DMRT1: variants seen among roughly 807,000 people sequenced by gnomAD.
DMRT1 encodes the protein doublesex- and mab-3-related transcription factor 1.
Under a neutral mutation model 32.3 loss-of-function variants are expected in DMRT1, and 7 were observed. The ratio of observed to expected loss-of-function variants is 0.22; its 90% confidence interval spans 0.12 to 0.41. DMRT1 has a LOEUF of 0.41. DMRT1 is among the 10% of genes least tolerant of loss of function. DMRT1 has a pLI of 1.00. For synonymous variants in DMRT1, 278 were observed against 206.1 expected (o/e 1.35, Z -2.99); for missense variants, 625 against 500.5 (o/e 1.25, Z -2.37).
At chr9:904,605 C>G (rs1157355004) in intron 3 of DMRT1, among the ~76,000 whole-genome samples, 1 of 152,182 alleles carries the variant, frequency 6.6e-6, no homozygotes, top group East Asian at 1.9e-4. Context: ...GTGCTAGAGA[C>G]TCTCAAGTAC....
chr9:903,201 C>T (rs1302471517), intron 3 of DMRT1, among the ~76,000 whole-genome samples: 1 of 152,168 alleles, frequency 6.6e-6, no homozygotes, highest in East Asian at 1.9e-4. Context: ...TAGTCTTACT[C>T]CTGCAGGGAG....
At chr9:852,085 G>A (rs1351365840) in intron 2 of DMRT1, among the ~76,000 whole-genome samples, 4 of 151,698 alleles carry the variant, frequency 2.6e-5, no homozygotes, top group African/African-American at 9.7e-5. Flanking sequence ...GATTACAGGC[G>A]ATCACCACCA....
At chr9:872,311 T>G (rs1199465269) in intron 2 of DMRT1, among the ~76,000 whole-genome samples, 1 of 152,222 alleles carries the variant, frequency 6.6e-6, no homozygotes, top group Non-Finnish European at 1.5e-5. Flanking sequence ...TCCACCCGCC[T>G]TGGCCTCCCA....
At chr9:907,906 C>T (rs1357153684) in intron 3 of DMRT1, among the ~76,000 whole-genome samples, 1 of 151,190 alleles carries the variant, frequency 6.6e-6, no homozygotes, top group Non-Finnish European at 1.5e-5. Context: ...ATTTGAGGGC[C>T]CTATAAAAGG....
At chr9:940,702 A>G (rs1247283371) in intron 4 of DMRT1, among the ~76,000 whole-genome samples, 1 of 152,146 alleles carries the variant, frequency 6.6e-6, no homozygotes, top group Non-Finnish European at 1.5e-5. Flanking sequence ...ATTGGACTTG[A>G]TGTTGAAAAT....
At chr9:959,743 G>A (rs531250898) in intron 4 of DMRT1, among the ~76,000 whole-genome samples, 13 of 151,472 alleles carry the variant, frequency 8.6e-5, no homozygotes, top group African/African-American at 2.4e-4. Context: ...GGCCAGGCTC[G>A]TCTTGAGCTC....
intron 2 of DMRT1, among the ~76,000 whole-genome samples, chr9:861,348 G>C (rs1344037576): frequency 2.0e-5 from 3 of 152,212 alleles, no homozygotes; most frequent in African/African-American, 7.2e-5. Context: ...ACCCTTAGTG[G>C]ACACAGCACA....
At chr9:894,313 G>T (rs937817881) in intron 3 of DMRT1, 118 bp downstream of exon 3, 24 of 1,089,930 alleles carry the variant, frequency 2.2e-5, no homozygotes, top group Non-Finnish European at 3.4e-5. Context: ...GCACACACAG[G>T]TGACACACAC....
intron 4 of DMRT1, among the ~76,000 whole-genome samples, chr9:946,061 C>G (rs1197945156): frequency 6.6e-6 from 1 of 151,766 alleles, no homozygotes; most frequent in African/African-American, 2.4e-5. Context: ...ACCTACTATT[C>G]CACAGTTTGG....
chr9:875,564 A>G (rs796171728), intron 2 of DMRT1, among the ~76,000 whole-genome samples: 37 of 152,352 alleles, frequency 2.4e-4, no homozygotes, highest in African/African-American at 8.9e-4. Context: ...AATGAAGATC[A>G]CCAAATGAGG....
chr9:942,745 C>T (rs1420690789), intron 4 of DMRT1, among the ~76,000 whole-genome samples: 4 of 152,110 alleles, frequency 2.6e-5, no homozygotes, highest in Non-Finnish European at 4.4e-5. Context: ...TTGGTGATTT[C>T]GTAGCAACAT....
intron 1 of DMRT1, 124 bp from the exon 2 acceptor site, chr9:846,836 G>C: frequency 8.2e-7 from 1 of 1,219,904 alleles, no homozygotes. Flanking sequence ...AGAAGAAATG[G>C]GAGATTTTCA....
At chr9:931,537 A>G (rs780793759) in intron 4 of DMRT1, among the ~76,000 whole-genome samples, 95 of 152,126 alleles carry the variant, frequency 6.2e-4, no homozygotes, top group Non-Finnish European at 1.2e-4. Flanking sequence ...ACAGAAATTT[A>G]TTTTCTTATA....
intron 4 of DMRT1, among the ~76,000 whole-genome samples, chr9:919,108 T>C (rs1347861585): frequency 6.6e-6 from 1 of 152,164 alleles, no homozygotes; most frequent in African/African-American, 2.4e-5. Flanking sequence ...AAAGGTTGGC[T>C]CATAACCAGT....
chr9:929,862 C>T (rs1473541674), intron 4 of DMRT1, among the ~76,000 whole-genome samples: 1 of 151,984 alleles, frequency 6.6e-6, no homozygotes, highest in Middle Eastern at 3.2e-3. Flanking sequence ...AGTGTCTGGG[C>T]CTAGCATAAT....
At chr9:906,922 TCTC>T (rs1460979621) in intron 3 of DMRT1, among the ~76,000 whole-genome samples, 1 of 152,322 alleles carries the variant, frequency 6.6e-6, no homozygotes, top group Non-Finnish European at 1.5e-5. Context: ...TTATTTGATC[TCTC>T]TGAGCAGTTT....
chr9:844,835 C>T (rs1838837125), intron 1 of DMRT1, among the ~76,000 whole-genome samples: 1 of 151,340 alleles, frequency 6.6e-6, no homozygotes, highest in Non-Finnish European at 1.5e-5. Flanking sequence ...ATTCTTCTGC[C>T]TCGGCCTCCC....
chr9:884,035 G>C (rs961278335), intron 2 of DMRT1, among the ~76,000 whole-genome samples: 1 of 152,110 alleles, frequency 6.6e-6, no homozygotes, highest in East Asian at 1.9e-4. Flanking sequence ...TGAATCACAA[G>C]TAGTTTACTG....
chr9:847,871 T>G (rs1465766795), intron 2 of DMRT1, among the ~76,000 whole-genome samples: 1 of 152,178 alleles, frequency 6.6e-6, no homozygotes, highest in Non-Finnish European at 1.5e-5. Flanking sequence ...ATGAAAACAT[T>G]CGGTTTCTTC....
Sources: gnomAD v4.1 joint callset for allele counts (sites outside exome capture counted in the v4.1 genomes callset) on GRCh38, gnomAD v4.1.1 for gene constraint, MANE v1.5 for transcripts, NCBI Gene and HGNC (gene_info 2026-07-23, HGNC 2026-07-21) for gene names.